Variants in RTKN2 observed in about 807,000 individuals in gnomAD.
The protein encoded by RTKN2 is rhotekin 2, also known as rhotekin-2.
Under a neutral mutation model 71.5 loss-of-function variants are expected in RTKN2, and 69 were observed. The ratio of observed to expected loss-of-function variants is 0.96; its 90% CI spans 0.79 to 1.18. RTKN2 has a LOEUF of 1.18. Ranked by LOEUF, RTKN2 falls within the 50% of genes most tolerant of loss-of-function variation. The pLI is 0.00. For missense variants in RTKN2, 724 were observed against 719.7 expected (o/e 1.01, Z -0.07); for synonymous variants, 236 against 236.5 (o/e 1.00, Z 0.02).
At chr10:62,259,631 A>G (rs1842737180) in intron 2 of RTKN2, among the ~76,000 whole-genome samples, 1 of 152,130 alleles carries the variant, frequency 6.6e-6, no homozygotes, top group Admixed American at 6.5e-5. Context: ...AGCTCACTCC[A>G]GCCTTGATAT....
Position 62,197,813 on chromosome 10 carries a change from A to G in RTKN2, c.*95T>C, listed in dbSNP as rs571124180. The G allele has an allele frequency of 2.5e-5, 36 of 1,445,360 alleles. No homozygotes were observed. The South Asian group carries it at 4.8e-4, about 19-fold the overall frequency. The allele number at this position is 1,445,360 out of a possible 1,614,324, so 89.5% of individuals were successfully genotyped here. ...TTATTAATTATTGGTATAAATCACT[A>G]TATTTACCTATATAATTACACATTA... On this transcript the variant is annotated 3_prime_UTR_variant, in exon 12 of 12. Coordinates refer to ENST00000373789, the MANE Select transcript of RTKN2 (RefSeq NM_145307.4).
In RTKN2 at chr10:62,193,589, T is replaced by A; in HGVS notation, c.*4319A>T. Reference sequence around the variant, plus strand: ...ATTTAGAAATAAAATGCTGAAATAATCCAACTGAGCCAGGATTGCTCATTT... The same window carrying A: ...ATTTAGAAATAAAATGCTGAAATAAACCAACTGAGCCAGGATTGCTCATTT... On this transcript the variant is annotated 3_prime_UTR_variant, in exon 12 of 12. Transcript: ENST00000373789. The A allele has an allele frequency of 1.0e-6, 1 of 985,056 alleles. No individual in the cohort carries two copies. The highest frequency in any genetic ancestry group is 1.2e-6 in the Non-Finnish European group (1 of 829,622). The allele number at this position is 985,056 out of a possible 1,614,324, so 61.0% of individuals were successfully genotyped here. A position where few individuals can be genotyped will look rare whatever the true frequency, so the allele number is the denominator to read the frequency against.
downstream of RTKN2, among the ~76,000 whole-genome samples, chr10:62,192,241 A>C (rs1841234805): frequency 1.3e-5 from 2 of 152,178 alleles, no homozygotes; most frequent in Admixed American, 1.3e-4. Context: ...GGGGCTACTG[A>C]GAGAATATGG....
Position 62,193,318 on chromosome 10 carries a change from G to T in RTKN2, c.*4590C>A. The T allele has an allele frequency of 1.0e-6, 1 of 979,990 alleles. No individual in the cohort carries two copies. The highest frequency in any genetic ancestry group is 4.7e-5 in the South Asian group (1 of 21,184). The allele number at this position is 979,990 out of a possible 1,614,324, so 60.7% of individuals were successfully genotyped here. ...ATTAAGAGATTACCATGTCTCAAGAGCAAACTGCTGGAATTTAAAACACAA... is the reference window on the plus strand; with the variant it reads ...ATTAAGAGATTACCATGTCTCAAGATCAAACTGCTGGAATTTAAAACACAA... On this transcript the variant is annotated 3_prime_UTR_variant, in exon 12 of 12. Transcript: ENST00000373789.
intron 11 of RTKN2, among the ~76,000 whole-genome samples, chr10:62,199,427 T>C (rs1343196684): frequency 6.6e-6 from 1 of 152,216 alleles, no homozygotes; most frequent in Non-Finnish European, 1.5e-5. Flanking sequence ...CTGAACATGA[T>C]TACATTTTAG....
chr10:62,234,028 C>T (rs188684461), intron 6 of RTKN2, among the ~76,000 whole-genome samples: 145 of 152,224 alleles, frequency 9.5e-4, no homozygotes, highest in African/African-American at 3.2e-3. Context: ...AAGGAAACCA[C>T]GCTCCTTGGA....
rs368861963 is a variant in RTKN2, at chr10:62,223,199, C to G, written c.781+39G>C. ...AACATACTATAATTAGAAATATAGA[C>G]AGAATATATGTAATAAGTAAAATAT... On this transcript the variant is annotated intron_variant, in intron 7 of 11. Coordinates refer to ENST00000373789, the MANE Select transcript of RTKN2 (RefSeq NM_145307.4). The G allele has an allele frequency of 2.6e-6, 3 of 1,160,424 alleles. No individual in the cohort carries two copies. The Admixed American group carries it at 5.4e-5, about 21-fold the overall frequency. The allele number at this position is 1,160,424 out of a possible 1,614,324, so 71.9% of individuals were successfully genotyped here. A position where few individuals can be genotyped will look rare whatever the true frequency, so the allele number is the denominator to read the frequency against.
chr10:62,256,709 T>C (rs1271619518), intron 2 of RTKN2, among the ~76,000 whole-genome samples: 1 of 152,008 alleles, frequency 6.6e-6, no homozygotes, highest in Non-Finnish European at 1.5e-5. Flanking sequence ...TGTGTCTGTG[T>C]GTGTATAGAA....
chr10:62,261,943 A>T (rs1417313994), intron 2 of RTKN2, among the ~76,000 whole-genome samples: 1 of 152,226 alleles, frequency 6.6e-6, no homozygotes, highest in Non-Finnish European at 1.5e-5. Flanking sequence ...CCAGCCTCTA[A>T]ATTGAACCAA....
chr10:62,184,233 T>C (rs1480204751), exon 9 of RTKN2: 3 of 849,600 alleles, frequency 3.5e-6, no homozygotes, highest in Non-Finnish European at 5.6e-6. Context: ...ACGCGTTGTC[T>C]TTTCCCTCAT....
At chr10:62,262,893 A>G in intron 1 of RTKN2, 72 bp from the exon 2 acceptor site, 2 of 873,752 alleles carry the variant, frequency 2.3e-6, no homozygotes, top group Non-Finnish European at 3.5e-6. Flanking sequence ...TAGATCGAAA[A>G]TAGGTATCAT....
At chr10:62,215,196 G>C (rs1841743817) in intron 9 of RTKN2, 4 of 608,482 alleles carry the variant, frequency 6.6e-6, no homozygotes, top group Non-Finnish European at 1.1e-5. Flanking sequence ...TTACTCCTCA[G>C]CTATTTAGTA....
chr10:62,248,952 C>T (rs2133049861), intron 2 of RTKN2, among the ~76,000 whole-genome samples: 1 of 152,216 alleles, frequency 6.6e-6, no homozygotes, highest in Middle Eastern at 3.4e-3. Context: ...AAATCCTTTA[C>T]CTCTGATACA....
At chr10:62,252,924 G>A (rs1252169557) in intron 2 of RTKN2, among the ~76,000 whole-genome samples, 1 of 151,902 alleles carries the variant, frequency 6.6e-6, no homozygotes, top group Non-Finnish European at 1.5e-5. Context: ...CAAAATTTAA[G>A]AAAACAGACC....
At chr10:62,258,558 AT>A (rs1298773028) in intron 2 of RTKN2, among the ~76,000 whole-genome samples, 2 of 152,150 alleles carry the variant, frequency 1.3e-5, no homozygotes, top group African/African-American at 2.4e-5. Context: ...ATTTACTCTC[AT>A]CTTTTTAATA....
intron 6 of RTKN2, among the ~76,000 whole-genome samples, chr10:62,224,964 A>G (rs1841989400): frequency 1.3e-5 from 2 of 152,246 alleles, no homozygotes; most frequent in Admixed American, 6.5e-5. Context: ...GTGTAATAGG[A>G]AAGTTGATAA....
At chr10:62,199,198 C>T (rs1425209162) in intron 11 of RTKN2, among the ~76,000 whole-genome samples, 1 of 152,170 alleles carries the variant, frequency 6.6e-6, no homozygotes, top group Non-Finnish European at 1.5e-5. Context: ...CTGACTTGCA[C>T]TTGTTCACAA....
rs889574707 is a variant in RTKN2 at position 62,195,183 on chromosome 10, G to A, written c.*2725C>T. On this transcript the variant is annotated 3_prime_UTR_variant, in exon 12 of 12. Coordinates refer to ENST00000373789, the MANE Select transcript of RTKN2 (RefSeq NM_145307.4). ...CTAAGACATTATCTTTAGATCATCA[G>A]AATTATCATATCATAAAATATCTAT... The A allele has an allele frequency of 1.0e-6, 1 of 976,712 alleles. No homozygotes were observed. The highest frequency in any genetic ancestry group is 1.2e-6 in the Non-Finnish European group (1 of 822,176). 60.5% of individuals were successfully genotyped at this position (976,712 alleles called of 1,614,324 possible).
intron 6 of RTKN2, among the ~76,000 whole-genome samples, chr10:62,226,774 T>A (rs1037823184): frequency 6.6e-6 from 1 of 152,128 alleles, no homozygotes; most frequent in Non-Finnish European, 1.5e-5. Flanking sequence ...CCCCAAAAAG[T>A]TGAAGTATTA....
Sources: gnomAD v4.1 joint callset for allele counts (sites outside exome capture counted in the v4.1 genomes callset) on GRCh38, gnomAD v4.1.1 for gene constraint, MANE v1.5 for transcripts, NCBI Gene and HGNC (gene_info 2026-07-23, HGNC 2026-07-21) for gene names.